L3MBTL4: variants seen among roughly 807,000 people sequenced by gnomAD.
L3MBTL4 encodes the protein L3MBTL histone methyl-lysine binding protein 4, also known as lethal(3)malignant brain tumor-like protein 4.
L3MBTL4 carries 70 observed loss-of-function variants against 84.5 expected under a neutral mutation model. That is an observed-to-expected ratio of 0.83 (90% CI 0.68 to 1.01). The LOEUF (loss-of-function observed/expected upper bound fraction) is 1.01. L3MBTL4 is among the 50% of genes least tolerant of loss of function. The probability of loss-of-function intolerance (pLI) is 0.00; values close to 1 mark genes in which losing one functional copy is unlikely to be tolerated. For missense variants in L3MBTL4, 715 were observed against 754.8 expected (o/e 0.95, Z 0.62); for synonymous variants, 274 against 259.8 (o/e 1.05, Z -0.52).
At chr18:6,170,281 G>A (rs1363135811) in intron 13 of L3MBTL4, among the ~76,000 whole-genome samples, 1 of 152,090 alleles carries the variant, frequency 6.6e-6, no homozygotes. Context: ...CAGACTACAG[G>A]CCACATTCTG....
intron 12 of L3MBTL4, among the ~76,000 whole-genome samples, chr18:6,176,896 C>G (rs371868448): frequency 6.6e-6 from 1 of 152,108 alleles, no homozygotes; most frequent in Non-Finnish European, 1.5e-5. Context: ...CTTTTAACAT[C>G]TCAATATCAC....
At chr18:6,205,632 C>A (rs113749221) in intron 12 of L3MBTL4, among the ~76,000 whole-genome samples, 1,966 of 152,304 alleles carry the variant, frequency 0.013, 45 homozygotes, top group African/African-American at 0.044. Context: ...TCAAAGACAA[C>A]TCTCCTTCCC....
At chr18:6,237,792 A>G (rs576985025) in intron 10 of L3MBTL4, among the ~76,000 whole-genome samples, 172 bp downstream of exon 10, 1 of 152,276 alleles carries the variant, frequency 6.6e-6, no homozygotes, top group South Asian at 2.1e-4. Flanking sequence ...CGTCTTCATT[A>G]TGGGTAAGGA....
intron 16 of L3MBTL4, among the ~76,000 whole-genome samples, chr18:5,977,039 T>C (rs1598338696): frequency 6.6e-6 from 1 of 152,168 alleles, no homozygotes; most frequent in Non-Finnish European, 1.5e-5. Flanking sequence ...GACAGCCAGA[T>C]CCTTGGGGCT....
At chr18:6,187,916 T>C (rs1246510915) in intron 12 of L3MBTL4, among the ~76,000 whole-genome samples, 5 of 151,494 alleles carry the variant, frequency 3.3e-5, no homozygotes, top group Non-Finnish European at 7.4e-5. Context: ...TTGTGTGTAG[T>C]GAGAGCTAAA....
At chr18:6,279,579 A>G (rs959106925) in intron 4 of L3MBTL4, among the ~76,000 whole-genome samples, 1 of 152,202 alleles carries the variant, frequency 6.6e-6, no homozygotes, top group Admixed American at 6.5e-5. Flanking sequence ...GTCTGCAGTA[A>G]AGAGCACATC....
At chr18:5,994,722 C>T (rs2053869406) in intron 16 of L3MBTL4, among the ~76,000 whole-genome samples, 3 of 152,224 alleles carry the variant, frequency 2.0e-5, no homozygotes, top group Non-Finnish European at 2.9e-5. Context: ...AGGAGGTAAG[C>T]GACTCCACCA....
chr18:6,296,134 C>T (rs1459109642), intron 4 of L3MBTL4, among the ~76,000 whole-genome samples: 2 of 152,082 alleles, frequency 1.3e-5, no homozygotes, highest in South Asian at 4.2e-4. Flanking sequence ...TCATTACACC[C>T]GGGAAGTAAA....
intron 13 of L3MBTL4, among the ~76,000 whole-genome samples, chr18:6,139,433 G>C (rs2060129077): frequency 1.3e-5 from 2 of 151,964 alleles, no homozygotes; most frequent in African/African-American, 4.8e-5. Flanking sequence ...ATTATCAGTA[G>C]CAAAACCTCC....
chr18:6,319,268 C>T (rs2051279793), intron 1 of L3MBTL4, among the ~76,000 whole-genome samples: 1 of 151,784 alleles, frequency 6.6e-6, no homozygotes, highest in Admixed American at 6.6e-5. Context: ...TGACAAAGAT[C>T]AGAGTAGAAC....
chr18:6,012,331 G>C (rs1405909985), intron 16 of L3MBTL4, among the ~76,000 whole-genome samples: 1 of 152,106 alleles, frequency 6.6e-6, no homozygotes, highest in East Asian at 1.9e-4. Flanking sequence ...TCAACGAGGA[G>C]AAAAATCTCT....
At chr18:6,127,809 G>A (rs984924324) in intron 14 of L3MBTL4, among the ~76,000 whole-genome samples, 2 of 152,086 alleles carry the variant, frequency 1.3e-5, no homozygotes, top group Non-Finnish European at 2.9e-5. Context: ...GGTGGTGGAG[G>A]GGAGGCTCTT....
intron 1 of L3MBTL4, among the ~76,000 whole-genome samples, chr18:6,381,657 G>A (rs2054600152): frequency 6.6e-6 from 1 of 152,164 alleles, no homozygotes; most frequent in Non-Finnish European, 1.5e-5. Context: ...TTGAATATTG[G>A]CCTCCACACT....
intron 4 of L3MBTL4, among the ~76,000 whole-genome samples, chr18:6,289,456 C>G (rs545643818): frequency 6.6e-6 from 1 of 152,180 alleles, no homozygotes. Context: ...ATTCCTAACA[C>G]TTTTCTTCAT....
intron 4 of L3MBTL4, among the ~76,000 whole-genome samples, chr18:6,298,295 T>C (rs1449148733): frequency 6.6e-6 from 1 of 152,234 alleles, no homozygotes; most frequent in East Asian, 1.9e-4. Context: ...ATATTTTTAA[T>C]ATATTCATTT....
chr18:6,086,419 A>G (rs535437669), intron 15 of L3MBTL4, among the ~76,000 whole-genome samples: 7 of 152,312 alleles, frequency 4.6e-5, no homozygotes, highest in African/African-American at 1.4e-4. Flanking sequence ...TCGGAAAAAT[A>G]TTTTGAAGAC....
intron 14 of L3MBTL4, among the ~76,000 whole-genome samples, chr18:6,119,116 C>CAGTT (rs1379868306): frequency 6.6e-6 from 1 of 150,902 alleles, no homozygotes. Context: ...GTATTTTCAC[C>CAGTT]AGTTATTAAC....
chr18:6,298,599 G>T (rs1056271607), intron 4 of L3MBTL4, among the ~76,000 whole-genome samples: 1 of 152,126 alleles, frequency 6.6e-6, no homozygotes, highest in Non-Finnish European at 1.5e-5. Context: ...AGGGCCAGGC[G>T]CAGTGGCTCA....
At chr18:6,316,938 T>C (rs1324474426) in intron 1 of L3MBTL4, among the ~76,000 whole-genome samples, 1 of 152,148 alleles carries the variant, frequency 6.6e-6, no homozygotes, top group Non-Finnish European at 1.5e-5. Flanking sequence ...TACCCAGGGA[T>C]ACTTCCCATA....
Sources: allele counts gnomAD v4.1 joint callset (sites outside exome capture counted in the v4.1 genomes callset), GRCh38; gene constraint gnomAD v4.1.1; transcripts MANE v1.5; gene names NCBI Gene and HGNC (gene_info 2026-07-23, HGNC 2026-07-21).